Variants in BCLAF3 observed in about 807,000 individuals in gnomAD.
The protein encoded by BCLAF3 is BCLAF1 and THRAP3 family member 3, also known as transient octamer binding factor 1.
A neutral mutation model predicts 51.2 loss-of-function variants in BCLAF3; 24 were observed. That is an observed-to-expected ratio of 0.47 (90% CI 0.34 to 0.66). BCLAF3 has a LOEUF of 0.66. BCLAF3 is among the 30% of genes least tolerant of loss of function. The pLI, the probability that BCLAF3 is intolerant of heterozygous loss-of-function variation, is 0.01. For missense variants in BCLAF3, 465 were observed against 525.1 expected, an observed-to-expected ratio of 0.89 and a Z score of 1.12; for synonymous variants, 152 against 176.6, an observed-to-expected ratio of 0.86 and a Z score of 1.10.
chrX:19,933,908 C>T (rs1254711854), intron 10 of BCLAF3, among the ~76,000 whole-genome samples: 2 of 111,098 alleles, frequency 1.8e-5, no homozygotes, highest in African/African-American at 6.5e-5. Context: ...GTAGCTGGGA[C>T]TACAGTACAG....
At chrX:19,974,885 A>T (rs927074782) in intron 1 of BCLAF3, among the ~76,000 whole-genome samples, 12 of 111,500 alleles carry the variant, frequency 1.1e-4, no homozygotes, top group Admixed American at 3.8e-4. Flanking sequence ...GCATCTCAAA[A>T]AAATAAATAA....
At chrX:19,935,988 T>A in intron 9 of BCLAF3, 90 bp from the exon 10 acceptor site, 1 of 742,826 alleles carries the variant, frequency 1.3e-6, no homozygotes, top group Non-Finnish European at 2.1e-6. Context: ...ATTTTAAATG[T>A]ACAGGATTAA....
chrX:19,965,718 T>C lies in BCLAF3; in HGVS notation c.612-12A>G. On this transcript the variant is annotated splice_polypyrimidine_tract_variant and intron_variant, in intron 3 of 11. Transcript: ENST00000379682. ...GATCCTCAGGATACCTGTGTTGACATAAAGCAGTTTACACTTGCAATAGAG... is the reference window on the plus strand; with the variant it reads ...GATCCTCAGGATACCTGTGTTGACACAAAGCAGTTTACACTTGCAATAGAG... 1 of 1,122,774 alleles carries C rather than the reference T, an allele frequency of 8.9e-7. No homozygotes were observed. Among genetic ancestry groups the C allele is most frequent in the Non-Finnish European group, 1.2e-6 (1 of 853,903 alleles). The allele number at this position is 1,122,774 out of a possible 1,213,427, so 92.5% of individuals were successfully genotyped here. A position where few individuals can be genotyped will look rare whatever the true frequency, so the allele number is the denominator to read the frequency against.
chrX:19,935,855 A>G lies in BCLAF3; in HGVS notation c.1904T>C (p.Phe635Ser), dbSNP rs773318718. The G allele has an allele frequency of 1.7e-6, 2 of 1,211,030 alleles. No homozygotes were observed. The highest frequency in any genetic ancestry group is 2.2e-6 in the Non-Finnish European group (2 of 894,813). ...GTTTCGGTGGTTTCCCTCAACCTCA[A>G]ATGGTTTGTGAGTAATTATGTCTTT... The part of the protein sequence containing the change: ...QRKDIITHKP[F>S]EVEGNHRNTR... Residue 635 changes from phenylalanine (F) to serine (S), a missense_variant, in exon 10 of 12, where the codon TTT becomes TCT. Physicochemically the swap from Phe to Ser is radical, Grantham distance 155 (BLOSUM62 -2). Transcript: ENST00000379682.
chrX:19,924,201 A>C (rs2070285240), intron 11 of BCLAF3, among the ~76,000 whole-genome samples: 2 of 111,895 alleles, frequency 1.8e-5, no homozygotes, highest in African/African-American at 6.5e-5. Context: ...GAGAGTAGTC[A>C]GGGTTGAAGA....
intron 11 of BCLAF3, 109 bp downstream of exon 11, chrX:19,929,676 C>A: frequency 1.3e-6 from 1 of 769,992 alleles, no homozygotes. Flanking sequence ...ATTTAAAAAC[C>A]CAGGTTGTTT....
intron 11 of BCLAF3, among the ~76,000 whole-genome samples, chrX:19,922,520 A>G (rs997651282): frequency 8.9e-6 from 1 of 112,277 alleles, no homozygotes; most frequent in Non-Finnish European, 1.9e-5. Context: ...CAGAGGAAAT[A>G]TTTAACACTT....
intron 9 of BCLAF3, 32 bp from the exon 10 acceptor site, chrX:19,935,930 C>G (rs1221783336): frequency 2.8e-6 from 3 of 1,079,985 alleles, no homozygotes; most frequent in Admixed American, 2.3e-5. Flanking sequence ...TGTGGGTTAA[C>G]AGACTTTAAA....
At chrX:19,948,211 A>G (rs2071372039) in intron 8 of BCLAF3, among the ~76,000 whole-genome samples, 1 of 112,046 alleles carries the variant, frequency 8.9e-6, no homozygotes, top group Admixed American at 9.5e-5. Flanking sequence ...TATACTGAAG[A>G]GAAACGAAAA....
intron 1 of BCLAF3, among the ~76,000 whole-genome samples, chrX:19,984,214 A>G (rs1417742988): frequency 9.0e-6 from 1 of 110,998 alleles, no homozygotes; most frequent in African/African-American, 3.3e-5. Context: ...TGAAGATATA[A>G]CATATAAATA....
intron 11 of BCLAF3, among the ~76,000 whole-genome samples, chrX:19,919,814 G>A (rs957267574): frequency 1.0e-5 from 1 of 96,266 alleles, no homozygotes; most frequent in South Asian, 5.0e-4. Flanking sequence ...CTGAGATGGC[G>A]CCACTGCACT....
intron 1 of BCLAF3, among the ~76,000 whole-genome samples, chrX:19,971,864 G>A (rs148383762): frequency 0.014 from 1,515 of 111,973 alleles, 9 homozygotes; most frequent in Middle Eastern, 0.018. Flanking sequence ...AAATATAAAG[G>A]CTTCTTGTCA....
At chrX:19,962,178 TA>T (rs1374557843) in intron 4 of BCLAF3, among the ~76,000 whole-genome samples, 1 of 112,116 alleles carries the variant, frequency 8.9e-6, no homozygotes, top group Non-Finnish European at 1.9e-5. Context: ...TCATTACTTT[TA>T]TTTTTTTAGT....
At position 19,917,315 on chromosome X, in the gene BCLAF3, G is replaced by A. The variant is rs768361706; in HGVS notation, c.2126C>T (p.Thr709Ile). 5.0e-6 allele frequency: 6 copies of A among 1,201,795 alleles called. No individual in the cohort carries two copies. Among genetic ancestry groups the A allele is most frequent in the Admixed American group, 2.2e-5 (1 of 45,592 alleles). ...RKKKEYTDVATGI is the reference protein window; with the variant it reads ...RKKKEYTDVAIGI ...TTGTACGATTTCAGATTAGATTCCT[G>A]TGGCAACATCTGTATATTCCTATTG... Residue 709 changes from threonine (T) to isoleucine (I), a missense_variant, in exon 12 of 12, where the codon ACA becomes ATA. Thr to Ile is a moderately conservative substitution (Grantham distance 89, BLOSUM62 -1). Transcript: ENST00000379682.
Position 19,953,886 on chromosome X carries a change from T to C in BCLAF3, c.1457A>G (p.Tyr486Cys). ...ITIIHQVKAN[Y>C]FPSPGITLHE... ...TAAAGTAATGCCAGGTGATGGAAAA[T>C]AATTTGCTGAAAAAGGAAATGAAGA... The change falls in exon 6 of 12, where the codon TAT (tyrosine) becomes TGT (cysteine). Residue 486 changes from tyrosine (Y) to cysteine (C), a missense_variant. Transcript: ENST00000379682. 8.3e-7 allele frequency: 1 copy of C among 1,205,458 alleles called. No homozygotes were observed. The highest frequency in any genetic ancestry group is 3.0e-5 in the East Asian group (1 of 33,810).
chrX:19,970,899 G>T (rs1203519869), intron 1 of BCLAF3, among the ~76,000 whole-genome samples: 1 of 111,562 alleles, frequency 9.0e-6, no homozygotes, highest in Non-Finnish European at 1.9e-5. Context: ...AACAGCAACT[G>T]CTAAATAAGT....
At chrX:19,941,145 G>C (rs2071023660) in intron 8 of BCLAF3, among the ~76,000 whole-genome samples, 1 of 108,813 alleles carries the variant, frequency 9.2e-6, no homozygotes, top group South Asian at 3.8e-4. Context: ...AAATTTGTTT[G>C]AGTTCATTGT....
intron 11 of BCLAF3, among the ~76,000 whole-genome samples, chrX:19,928,171 C>T (rs1049909592): frequency 7.3e-5 from 8 of 110,322 alleles, no homozygotes; most frequent in African/African-American, 2.6e-4. Context: ...GCATGAGCCA[C>T]CACTCCTGGC....
Position 19,965,307 on chromosome X carries a change from T to G in BCLAF3, c.1011A>C (p.Gln337His), listed in dbSNP as rs199706537. The change falls in exon 4 of 12, where the codon CAA becomes CAC. Residue 337 changes from glutamine (Q) to histidine (H), a missense_variant. Gln to His is a conservative substitution (Grantham distance 24). Transcript: ENST00000379682. ...TAGACGGTTTAAAAGGTTCTTTGAC[T>G]TGTCCATCTTGAGTCTCTCTCCCTC... ...TGRGRETQDG[Q>H]VKEPFKPSKK... 167 of 1,209,792 alleles carry G rather than the reference T, an allele frequency of 1.4e-4. No homozygotes were observed. Among genetic ancestry groups the G allele is most frequent in the Non-Finnish European group, 1.8e-4 (164 of 895,205 alleles).
Sources: gnomAD v4.1 joint callset for allele counts (sites outside exome capture counted in the v4.1 genomes callset) on GRCh38, gnomAD v4.1.1 for gene constraint, MANE v1.5 for transcripts, NCBI Gene and HGNC (gene_info 2026-07-23, HGNC 2026-07-21) for gene names.